The following RELN variants were observed in gnomAD, a reference collection of about 807,000 sequenced individuals.
The protein encoded by RELN is reelin.
RELN carries 108 observed loss-of-function variants against 427.6 expected under a neutral mutation model. The observed-to-expected ratio is 0.25, with a 90% CI of 0.22 to 0.30. The LOEUF (loss-of-function observed/expected upper bound fraction) is 0.30, where lower values mean the gene tolerates loss of function less well. RELN is among the 10% of genes least tolerant of loss of function. The probability of loss-of-function intolerance (pLI) is 1.00; values close to 1 mark genes in which losing one functional copy is unlikely to be tolerated. For missense variants in RELN, 3,715 were observed against 4,302.8 expected, an observed-to-expected ratio of 0.86 and a Z score of 3.82; for synonymous variants, 1,524 against 1,513.4, an observed-to-expected ratio of 1.01 and a Z score of -0.16.
chr7:103,875,385 G>C (rs187344862), intron 2 of RELN, among the ~76,000 whole-genome samples: 3,373 of 152,076 alleles, frequency 0.022, 53 homozygotes, highest in Non-Finnish European at 0.032. Context: ...AAGATCTTCT[G>C]CACAGCAAAA....
intron 12 of RELN, among the ~76,000 whole-genome samples, chr7:103,656,572 C>G (rs530491165): frequency 2.0e-5 from 3 of 152,036 alleles, no homozygotes; most frequent in Non-Finnish European, 2.9e-5. Context: ...AAAGGTTTTA[C>G]AGGTAGATCA....
rs563109327 is a variant in RELN, at chr7:103,842,933, T to C, written c.338-9261A>G. ...CCAGAACTACCATTTACTGAATGCC[T>C]CTCTGTGCCACGTTTAGAGAGGCAG... On this transcript the variant is annotated intron_variant, in intron 2 of 64. Coordinates refer to ENST00000428762, the MANE Select transcript of RELN (RefSeq NM_005045.4). Among the ~76,000 whole-genome samples the C allele has an allele frequency of 5.9e-5, 9 of 152,250 alleles. No homozygotes were observed. The South Asian group carries it at 1.7e-3, about 28-fold the overall frequency.
chr7:103,634,723 A>T (rs1832540097), intron 19 of RELN, among the ~76,000 whole-genome samples: 1 of 151,904 alleles, frequency 6.6e-6, no homozygotes, highest in Non-Finnish European at 1.5e-5. Flanking sequence ...TGGTTATAAG[A>T]TATATATAAT....
chr7:103,929,704 C>G (rs1242653056), intron 1 of RELN, among the ~76,000 whole-genome samples: 2 of 152,132 alleles, frequency 1.3e-5, no homozygotes, highest in Non-Finnish European at 2.9e-5. Flanking sequence ...GGTACTACAC[C>G]TGGGGGCCAT....
In RELN at chr7:103,654,121, A is replaced by C. The variant is rs770231110; in HGVS notation, c.1526T>G (p.Leu509Arg). The C allele has an allele frequency of 1.3e-5, 20 of 1,595,842 alleles. No individual in the cohort carries two copies. The highest frequency in any genetic ancestry group is 1.7e-5 in the Non-Finnish European group (20 of 1,163,856). ...ATATGAGGAATAGGAAAGGGTATCC[A>C]GTGTTATATGCTCTTTTCTTCCTTC... ...KIEGRKEHIT[L>R]DTLSYSSYKV... is the part of the protein sequence containing the mutation. Residue 509 changes from leucine to arginine, a missense_variant, in exon 13 of 65, where the codon CTG becomes CGG. By Grantham distance (102) the Leu-to-Arg change is moderately radical. Transcript: ENST00000428762.
chr7:103,486,165 A>G, intron 61 of RELN, 32 bp downstream of exon 61: 1 of 1,594,356 alleles, frequency 6.3e-7, no homozygotes, highest in Non-Finnish European at 8.6e-7. Context: ...GACTAATTCT[A>G]TGTCTGGACT....
chr7:103,708,820 C>T (rs974133207), intron 8 of RELN, among the ~76,000 whole-genome samples: 3 of 152,102 alleles, frequency 2.0e-5, no homozygotes, highest in African/African-American at 4.8e-5. Context: ...AATGGTCACG[C>T]CCCTCAGAGG....
chr7:103,689,427 C>A (rs183509554), intron 10 of RELN, among the ~76,000 whole-genome samples: 4 of 152,184 alleles, frequency 2.6e-5, no homozygotes, highest in African/African-American at 4.8e-5. Context: ...AGGGTAACCA[C>A]GATAGCTGAG....
chr7:103,970,094 C>T (rs1349152882), intron 1 of RELN, among the ~76,000 whole-genome samples: 1 of 151,878 alleles, frequency 6.6e-6, no homozygotes, highest in Non-Finnish European at 1.5e-5. Context: ...AGGCTGCCTT[C>T]TTCTTTCAGA....
chr7:103,749,635 T>G, intron 5 of RELN, 131 bp from the exon 6 acceptor site: 1 of 711,034 alleles, frequency 1.4e-6, no homozygotes, highest in South Asian at 1.6e-5. Flanking sequence ...AGCAGTTGAT[T>G]ATATTTGCTT....
intron 59 of RELN, 102 bp downstream of exon 59, chr7:103,490,566 T>A: frequency 3.2e-6 from 4 of 1,258,772 alleles, no homozygotes; most frequent in Non-Finnish European, 4.7e-6. Flanking sequence ...CAGGGCTGCA[T>A]GTAAAGCTCT....
intron 8 of RELN, among the ~76,000 whole-genome samples, chr7:103,711,001 G>A (rs369137022): frequency 4.6e-5 from 7 of 152,096 alleles, no homozygotes; most frequent in African/African-American, 1.7e-4. Flanking sequence ...CCGAGAGCAC[G>A]CCACTGTACT....
chr7:103,942,221 T>A (rs1377542853), intron 1 of RELN, among the ~76,000 whole-genome samples: 2 of 152,172 alleles, frequency 1.3e-5, no homozygotes, highest in Admixed American at 6.5e-5. Context: ...ACAGTCACCA[T>A]GCTGTATAGT....
At chr7:103,725,170 T>G (rs937218869) in intron 7 of RELN, among the ~76,000 whole-genome samples, 2 of 152,178 alleles carry the variant, frequency 1.3e-5, no homozygotes, top group Non-Finnish European at 2.9e-5. Context: ...ATTCTGTACT[T>G]TTTCTCTAAA....
At chr7:103,554,569 C>CAAAAAAA (rs56319660) in intron 38 of RELN, among the ~76,000 whole-genome samples, 1 of 103,320 alleles carries the variant, frequency 9.7e-6, no homozygotes, top group African/African-American at 3.9e-5. Flanking sequence ...GATGCTGTCT[C>CAAAAAAA]AAAAAAAAAA....
intron 64 of RELN, among the ~76,000 whole-genome samples, chr7:103,476,483 AAAACAAAC>A (rs373339112): frequency 1.1e-4 from 17 of 152,170 alleles, no homozygotes; most frequent in East Asian, 1.9e-4. Flanking sequence ...TCTGTCTCAA[AAAACAAAC>A]AAACAAACAA....
At chr7:103,675,584 A>T (rs1158507489) in intron 11 of RELN, among the ~76,000 whole-genome samples, 8 of 152,214 alleles carry the variant, frequency 5.3e-5, no homozygotes, top group Non-Finnish European at 7.3e-5. Context: ...TGCCAAGACA[A>T]TCCTAAGCCA....
At chr7:103,566,155 C>T (rs1002866846) in intron 33 of RELN, 69 bp downstream of exon 33, 1 of 1,385,096 alleles carries the variant, frequency 7.2e-7, no homozygotes, top group Non-Finnish European at 1.0e-6. Context: ...AAAGTTTTCT[C>T]CTGACTTTTA....
chr7:103,959,758 C>A (rs751170039), intron 1 of RELN, among the ~76,000 whole-genome samples: 2 of 152,022 alleles, frequency 1.3e-5, no homozygotes, highest in Non-Finnish European at 2.9e-5. Context: ...CTACAGCATG[C>A]ACCACCACAC....
Sources: allele counts gnomAD v4.1 joint callset (sites outside exome capture counted in the v4.1 genomes callset), GRCh38; gene constraint gnomAD v4.1.1; transcripts MANE v1.5; gene names NCBI Gene and HGNC (gene_info 2026-07-23, HGNC 2026-07-21).